Variants in GADL1 observed in about 807,000 individuals in gnomAD.
GADL1 encodes the protein acidic amino acid decarboxylase GADL1.
Under a neutral mutation model 69.5 loss-of-function variants are expected in GADL1, and 71 were observed. The observed-to-expected ratio is 1.02, with a 90% CI of 0.84 to 1.25. GADL1 has a LOEUF of 1.25. GADL1 is among the 50% of genes most tolerant of loss of function. The probability of loss-of-function intolerance (pLI) is 0.00; values close to 1 mark genes in which losing one functional copy is unlikely to be tolerated. For missense variants in GADL1, 737 were observed against 631.8 expected, an observed-to-expected ratio of 1.17 and a Z score of -1.79; for synonymous variants, 254 against 214.4, an observed-to-expected ratio of 1.18 and a Z score of -1.62.
rs535166893 is a variant in GADL1 at position 30,727,049 on chromosome 3, C to T, written c.*1193G>A. 2 of 151,704 alleles carry T rather than the reference C, an allele frequency of 1.3e-5. No individual in the cohort carries two copies. The highest frequency in any genetic ancestry group is 1.3e-4 in the Admixed American group (2 of 15,208). 9.4% of individuals were successfully genotyped at this position (151,704 alleles called of 1,614,324 possible). The stretch of plus-strand genomic sequence containing the variant: ...AGAGCAAGATAATAAACAAGCCCCT[C>T]AAGCTAAAAGAGGAACACAGAAACA... On this transcript the variant is annotated 3_prime_UTR_variant, in exon 15 of 15. Transcript: ENST00000282538.
At chr3:30,794,515 CT>C (rs1277857962) in intron 12 of GADL1, among the ~76,000 whole-genome samples, 3 of 152,182 alleles carry the variant, frequency 2.0e-5, no homozygotes, top group African/African-American at 2.4e-5. Flanking sequence ...CCTGAGCCCC[CT>C]GGGTTTCAAT....
chr3:30,874,626 G>T (rs1698551272), intron 1 of GADL1, among the ~76,000 whole-genome samples: 1 of 151,918 alleles, frequency 6.6e-6, no homozygotes, highest in African/African-American at 2.4e-5. Context: ...AGATTCACCA[G>T]ATCCACTAAG....
At chr3:30,766,434 C>T (rs534219472) in intron 14 of GADL1, among the ~76,000 whole-genome samples, 3 of 152,294 alleles carry the variant, frequency 2.0e-5, no homozygotes, top group African/African-American at 7.2e-5. Flanking sequence ...AAAAGGAACC[C>T]CACATTTACT....
chr3:30,888,401 CAG>C (rs1299699684), intron 1 of GADL1, among the ~76,000 whole-genome samples: 1 of 152,112 alleles, frequency 6.6e-6, no homozygotes, highest in African/African-American at 2.4e-5. Flanking sequence ...AAACAGAAAA[CAG>C]AATCACCATC....
intron 1 of GADL1, among the ~76,000 whole-genome samples, chr3:30,867,472 G>C (rs964043094): frequency 1.5e-5 from 2 of 135,686 alleles, no homozygotes; most frequent in Non-Finnish European, 3.3e-5. Context: ...ATATATATGA[G>C]AGAGAGTACT....
At chr3:30,807,087 TCATA>T (rs768248090) in intron 11 of GADL1, among the ~76,000 whole-genome samples, 14 of 152,210 alleles carry the variant, frequency 9.2e-5, no homozygotes, top group Non-Finnish European at 2.1e-4. Flanking sequence ...GTTCTACCCA[TCATA>T]CATAAGTATT....
At chr3:30,847,163 G>T (rs1000015897) in intron 6 of GADL1, among the ~76,000 whole-genome samples, 5 of 152,112 alleles carry the variant, frequency 3.3e-5, no homozygotes, top group Non-Finnish European at 7.4e-5. Flanking sequence ...TTCTCCAAAA[G>T]TCCCCTTCTC....
At chr3:30,786,328 C>G in intron 13 of GADL1, 27 bp downstream of exon 13, 1 of 1,473,402 alleles carries the variant, frequency 6.8e-7, no homozygotes. Context: ...CTGACAAAAT[C>G]ACAAGCACAA....
intron 14 of GADL1, among the ~76,000 whole-genome samples, chr3:30,743,330 A>G (rs1479600336): frequency 6.6e-6 from 1 of 152,204 alleles, no homozygotes; most frequent in Non-Finnish European, 1.5e-5. Context: ...TTTACTTTCC[A>G]TTTTATAACT....
intron 8 of GADL1, among the ~76,000 whole-genome samples, chr3:30,839,656 A>C (rs1211264654): frequency 1.3e-5 from 2 of 152,118 alleles, no homozygotes; most frequent in Non-Finnish European, 2.9e-5. Flanking sequence ...AGAGGAGATA[A>C]GGCAACCTCA....
At chr3:30,824,607 A>C (rs1697652047) in intron 11 of GADL1, among the ~76,000 whole-genome samples, 1 of 151,826 alleles carries the variant, frequency 6.6e-6, no homozygotes, top group Admixed American at 6.6e-5. Context: ...AAAAGAATGA[A>C]AATAATCATC....
intron 14 of GADL1, among the ~76,000 whole-genome samples, chr3:30,767,582 T>C (rs304828): frequency 0.84 from 127,704 of 152,164 alleles, 53,894 homozygotes; most frequent in South Asian, 0.9. Context: ...CTAAAATAAC[T>C]TCTACATGGA....
chr3:30,825,066 C>T (rs1478974396), intron 11 of GADL1, among the ~76,000 whole-genome samples: 2 of 151,896 alleles, frequency 1.3e-5, no homozygotes, highest in Admixed American at 1.3e-4. Flanking sequence ...GATTTTCAAT[C>T]AGCATCATAA....
chr3:30,865,048 C>T (rs1180422113), intron 1 of GADL1, among the ~76,000 whole-genome samples: 1 of 151,930 alleles, frequency 6.6e-6, no homozygotes, highest in African/African-American at 2.4e-5. Flanking sequence ...CTCAAAGGCC[C>T]ATTTCCCTAT....
intron 12 of GADL1, among the ~76,000 whole-genome samples, chr3:30,792,303 T>G (rs1696940937): frequency 6.6e-6 from 1 of 152,212 alleles, no homozygotes; most frequent in Non-Finnish European, 1.5e-5. Flanking sequence ...CCAGGCATGG[T>G]GGCTTATGCC....
intron 1 of GADL1, among the ~76,000 whole-genome samples, chr3:30,873,208 A>G (rs977682748): frequency 6.6e-6 from 1 of 152,020 alleles, no homozygotes; most frequent in Non-Finnish European, 1.5e-5. Flanking sequence ...CACTTATAAA[A>G]TAATAATGGT....
chr3:30,815,809 G>A (rs1334527291), intron 11 of GADL1, among the ~76,000 whole-genome samples: 1 of 152,162 alleles, frequency 6.6e-6, no homozygotes, highest in Non-Finnish European at 1.5e-5. Context: ...TTTTAGGTGG[G>A]AAACAGGGTT....
At chr3:30,877,992 A>T (rs906808248) in intron 1 of GADL1, among the ~76,000 whole-genome samples, 5 of 151,926 alleles carry the variant, frequency 3.3e-5, no homozygotes, top group African/African-American at 1.2e-4. Context: ...AAACACACAT[A>T]AATTCCAAGT....
At chr3:30,759,792 G>A (rs894768658) in intron 14 of GADL1, among the ~76,000 whole-genome samples, 3 of 152,172 alleles carry the variant, frequency 2.0e-5, no homozygotes, top group African/African-American at 7.2e-5. Context: ...GCTAACTGTA[G>A]CATAGTCTCC....
Sources: gnomAD v4.1 joint callset for allele counts (sites outside exome capture counted in the v4.1 genomes callset) on GRCh38, gnomAD v4.1.1 for gene constraint, MANE v1.5 for transcripts, NCBI Gene and HGNC (gene_info 2026-07-23, HGNC 2026-07-21) for gene names.